CADM2: variants seen among roughly 807,000 people sequenced by gnomAD.
CADM2 encodes immunoglobulin superfamily member 4D.
Under a neutral mutation model 49.8 loss-of-function variants are expected in CADM2, and 12 were observed. The observed-to-expected ratio is 0.24, with a 90% CI of 0.15 to 0.39. The LOEUF (loss-of-function observed/expected upper bound fraction) is 0.39, where lower values mean the gene tolerates loss of function less well. CADM2 is among the 10% of genes least tolerant of loss of function. CADM2 has a pLI of 1.00. For synonymous variants in CADM2, 214 were observed against 175.4 expected (o/e 1.22, Z -1.74); for missense variants, 378 against 492.3 (o/e 0.77, Z 2.20).
intron 8 of CADM2, among the ~76,000 whole-genome samples, chr3:86,035,693 G>T (rs58474100): frequency 0.014 from 2,197 of 151,978 alleles, 50 homozygotes; most frequent in African/African-American, 0.051. Context: ...CTGCTTCTTT[G>T]CTGTTAGTCC....
At chr3:85,334,735 TATA>T (rs951163160) in intron 1 of CADM2, among the ~76,000 whole-genome samples, 6 of 151,664 alleles carry the variant, frequency 4.0e-5, no homozygotes, top group African/African-American at 2.4e-5. Flanking sequence ...TGTTCAAACT[TATA>T]ATATTTCATT....
intron 1 of CADM2, among the ~76,000 whole-genome samples, chr3:85,272,656 C>A (rs964034686): frequency 6.6e-6 from 1 of 151,302 alleles, no homozygotes; most frequent in Admixed American, 6.6e-5. Flanking sequence ...AAAAACAGTA[C>A]CAGTTGTCAT....
intron 8 of CADM2, among the ~76,000 whole-genome samples, chr3:86,022,539 A>T (rs1733335420): frequency 6.6e-6 from 1 of 152,154 alleles, no homozygotes; most frequent in Non-Finnish European, 1.5e-5. Flanking sequence ...TGTTTGTAAT[A>T]TTCAATTATT....
intron 5 of CADM2, among the ~76,000 whole-genome samples, chr3:85,910,951 A>T (rs1479704144): frequency 1.3e-5 from 2 of 152,112 alleles, no homozygotes; most frequent in Non-Finnish European, 2.9e-5. Context: ...CATCAAATCC[A>T]ATACTATTTT....
chr3:85,113,405 A>G (rs1396096530), intron 1 of CADM2, among the ~76,000 whole-genome samples: 6 of 152,144 alleles, frequency 3.9e-5, no homozygotes, highest in Admixed American at 2.0e-4. Flanking sequence ...AATGCCTGAG[A>G]CCTAGTAGGC....
rs535986180 is a variant in CADM2 at position 85,562,638 on chromosome 3, A to G, written c.62-163884A>G. On this transcript the variant is annotated intron_variant, in intron 1 of 9. Transcript: ENST00000383699. Reference sequence around the variant, plus strand: ...CACTTCTTTCTACATTATATAGCCCAATGTAAAATATACATGCAATCATCT... The same window carrying G: ...CACTTCTTTCTACATTATATAGCCCGATGTAAAATATACATGCAATCATCT... Among the ~76,000 whole-genome samples, 3 of 152,262 alleles carry G rather than the reference A, an allele frequency of 2.0e-5. No individual in the cohort carries two copies. The East Asian group carries it at 5.8e-4, about 29-fold the overall frequency.
intron 8 of CADM2, among the ~76,000 whole-genome samples, chr3:85,988,388 T>A (rs947622074): frequency 2.0e-4 from 31 of 152,194 alleles, no homozygotes; most frequent in Non-Finnish European, 7.3e-5. Context: ...CTGAATACCT[T>A]CTGAAATATG....
chr3:86,074,208 T>C lies in CADM2; in HGVS notation c.*7425T>C, dbSNP rs1462350074. 1 of 152,026 alleles carries C rather than the reference T, an allele frequency of 6.6e-6. No individual in the cohort carries two copies. Among genetic ancestry groups the C allele is most frequent in the Admixed American group, 6.6e-5 (1 of 15,252 alleles). The allele number at this position is 152,026 out of a possible 1,614,324, so 9.4% of individuals were successfully genotyped here. A position where few individuals can be genotyped will look rare whatever the true frequency, so the allele number is the denominator to read the frequency against. Reference sequence around the variant, plus strand: ...AATTAATCATATATCCAACCTAAGCTTCTGCCAATAAGGATTTCAGATAAG... The same window carrying C: ...AATTAATCATATATCCAACCTAAGCCTCTGCCAATAAGGATTTCAGATAAG... On this transcript the variant is annotated 3_prime_UTR_variant, in exon 10 of 10. Transcript: ENST00000383699.
rs2070937976 is a variant in CADM2 at position 85,785,672 on chromosome 3, A to T, written c.89-16375A>T. On this transcript the variant is annotated intron_variant, in intron 2 of 9. Transcript: ENST00000383699. The stretch of plus-strand genomic sequence containing the variant: ...CCTTGAAATGCTTCTGAATGTGCAT[A>T]ATAGCCATTTGTACTAAAGATTAGA... Among the ~76,000 whole-genome samples, 4 of 152,082 alleles carry T rather than the reference A, an allele frequency of 2.6e-5. No homozygotes were observed. The South Asian group carries it at 8.3e-4, about 32-fold the overall frequency.
chr3:85,294,740 T>C (rs1187695212), intron 1 of CADM2, among the ~76,000 whole-genome samples: 1 of 151,774 alleles, frequency 6.6e-6, no homozygotes, highest in Non-Finnish European at 1.5e-5. Flanking sequence ...TAGCCATATG[T>C]AGAAAGCTGA....
intron 5 of CADM2, among the ~76,000 whole-genome samples, chr3:85,907,194 A>G (rs749760588): frequency 4.6e-5 from 7 of 152,206 alleles, no homozygotes; most frequent in Non-Finnish European, 1.0e-4. Context: ...TGGTTATGGC[A>G]CAAAATCATT....
chr3:85,308,412 T>G (rs1445876336), intron 1 of CADM2, among the ~76,000 whole-genome samples: 1 of 151,850 alleles, frequency 6.6e-6, no homozygotes, highest in East Asian at 1.9e-4. Flanking sequence ...TTCAGCTCTA[T>G]TAAGTACTGA....
At chr3:85,966,344 T>G (rs2108628815) in intron 8 of CADM2, among the ~76,000 whole-genome samples, 1 of 151,808 alleles carries the variant, frequency 6.6e-6, no homozygotes, top group Non-Finnish European at 1.5e-5. Context: ...TCCATAAAGT[T>G]TTTTTGTAAT....
chr3:85,906,876 C>CA (rs1716875008), intron 5 of CADM2, among the ~76,000 whole-genome samples: 1 of 152,058 alleles, frequency 6.6e-6, no homozygotes. Context: ...AAGACACACA[C>CA]AAAAAAGTAT....
intron 1 of CADM2, among the ~76,000 whole-genome samples, chr3:84,966,843 T>A (rs2031033437): frequency 6.6e-6 from 1 of 152,074 alleles, no homozygotes. Flanking sequence ...AGGAAGTCCC[T>A]GTCTAGTCAT....
intron 1 of CADM2, among the ~76,000 whole-genome samples, chr3:84,962,503 T>G (rs1026634924): frequency 6.6e-6 from 1 of 152,124 alleles, no homozygotes; most frequent in Non-Finnish European, 1.5e-5. Flanking sequence ...CCCTACTGTT[T>G]TATTAGGACT....
At chr3:85,672,814 G>A (rs1247672015) in intron 1 of CADM2, among the ~76,000 whole-genome samples, 4 of 152,100 alleles carry the variant, frequency 2.6e-5, no homozygotes, top group South Asian at 2.1e-4. Context: ...TCTTAGTGTC[G>A]GGCTATTTAG....
At chr3:85,928,408 C>G (rs1029922003) in intron 6 of CADM2, among the ~76,000 whole-genome samples, 1 of 152,092 alleles carries the variant, frequency 6.6e-6, no homozygotes, top group South Asian at 2.1e-4. Context: ...CCGTCCACCT[C>G]GGCCTCCGAA....
At chr3:85,880,431 C>A (rs1368208079) in intron 3 of CADM2, among the ~76,000 whole-genome samples, 2 of 152,016 alleles carry the variant, frequency 1.3e-5, no homozygotes, top group Non-Finnish European at 2.9e-5. Flanking sequence ...GTCAAGATTT[C>A]CTCTTATTAC....
Sources: gnomAD v4.1 joint callset for allele counts (sites outside exome capture counted in the v4.1 genomes callset) on GRCh38, gnomAD v4.1.1 for gene constraint, MANE v1.5 for transcripts, NCBI Gene and HGNC (gene_info 2026-07-23, HGNC 2026-07-21) for gene names.